Variants in SCNN1G observed in about 807,000 individuals in gnomAD.
SCNN1G encodes the protein sodium channel epithelial 1 subunit gamma, also known as epithelial sodium channel subunit gamma.
In SCNN1G, 27 loss-of-function variants were observed where a neutral mutation model predicts 64.6. The ratio of observed to expected loss-of-function variants is 0.42; its 90% confidence interval spans 0.31 to 0.58. The LOEUF (loss-of-function observed/expected upper bound fraction) is 0.58, where lower values mean the gene tolerates loss of function less well. Among genes scored for constraint, SCNN1G ranks in the 20% least tolerant of loss-of-function variants. The probability of loss-of-function intolerance (pLI) is 0.18; values close to 1 mark genes in which losing one functional copy is unlikely to be tolerated. For synonymous variants in SCNN1G, 330 were observed against 314.2 expected, an observed-to-expected ratio of 1.05 and a Z score of -0.53; for missense variants, 743 against 823.4, an observed-to-expected ratio of 0.90 and a Z score of 1.19.
intron 6 of SCNN1G, among the ~76,000 whole-genome samples, chr16:23,205,217 C>T (rs1045956633): frequency 6.6e-6 from 1 of 152,152 alleles, no homozygotes; most frequent in African/African-American, 2.4e-5. Context: ...GACCCCTTAG[C>T]TAGCCTGCCT....
At chr16:23,196,195 G>A (rs1186491633) in intron 5 of SCNN1G, among the ~76,000 whole-genome samples, 1 of 152,220 alleles carries the variant, frequency 6.6e-6, no homozygotes, top group Non-Finnish European at 1.5e-5. Flanking sequence ...AGATCTCTAA[G>A]AGGAGGGCTA....
intron 6 of SCNN1G, among the ~76,000 whole-genome samples, chr16:23,198,884 A>C (rs1250981051): frequency 2.0e-5 from 3 of 151,646 alleles, no homozygotes; most frequent in Non-Finnish European, 4.4e-5. Flanking sequence ...GCAAGACCCC[A>C]TCTCTACAAA....
chr16:23,208,644 C>T (rs1488610174), intron 6 of SCNN1G, among the ~76,000 whole-genome samples: 3 of 137,880 alleles, frequency 2.2e-5, no homozygotes, highest in Non-Finnish European at 3.1e-5. Flanking sequence ...GCCCTTCCTT[C>T]CTTTCTCTCT....
chr16:23,206,474 G>C (rs1233642960), intron 6 of SCNN1G, among the ~76,000 whole-genome samples: 1 of 152,154 alleles, frequency 6.6e-6, no homozygotes, highest in African/African-American at 2.4e-5. Context: ...AGCTTGCTGG[G>C]TGCAGCGCCC....
At chr16:23,213,637 T>C (rs1403706680) in intron 11 of SCNN1G, among the ~76,000 whole-genome samples, 2 of 152,186 alleles carry the variant, frequency 1.3e-5, no homozygotes, top group Non-Finnish European at 2.9e-5. Flanking sequence ...CCATGTGAAC[T>C]CACATTTCTC....
rs902581536 is a variant in SCNN1G at position 23,209,788 on chromosome 16, C to T, written c.1116C>T (p.Cys372=). 2.5e-6 allele frequency: 4 copies of T among 1,613,860 alleles called. No individual in the cohort carries two copies. The African/African-American group carries it at 5.3e-5, about 22-fold the overall frequency. The change falls in exon 7 of 13, where the codon TGC becomes TGT. Residue 372 remains cysteine, a synonymous_variant. Coordinates refer to ENST00000300061, the MANE Select transcript of SCNN1G (RefSeq NM_001039.4). ...AGCTGAGTGAGCCCTACAGTCAGTGCACGGAGGACGGGAGTGACGTGCCAA... is the reference window on the plus strand; with the variant it reads ...AGCTGAGTGAGCCCTACAGTCAGTGTACGGAGGACGGGAGTGACGTGCCAA... The part of the protein sequence containing the change: ...SFKLSEPYSQ[C]TEDGSDVPIR...
intron 6 of SCNN1G, among the ~76,000 whole-genome samples, chr16:23,208,355 A>G (rs4328445): frequency 4.0e-5 from 6 of 151,786 alleles, no homozygotes; most frequent in Admixed American, 1.3e-4. Context: ...CTCTAAAAAA[A>G]AAAAGCAAAA....
At chr16:23,199,337 C>A (rs1211008322) in intron 6 of SCNN1G, among the ~76,000 whole-genome samples, 1 of 152,134 alleles carries the variant, frequency 6.6e-6, no homozygotes, top group Admixed American at 6.6e-5. Flanking sequence ...TCTTCCATTG[C>A]GTGAATAAGT....
chr16:23,215,795 A>C lies in SCNN1G; in HGVS notation c.*326A>C. On this transcript the variant is annotated 3_prime_UTR_variant, in exon 13 of 13. Transcript: ENST00000300061. ...AGAGTGAGGACTGATGCAGCTCTTT[A>C]CGGGTCTTGAGAGGGAAGGACTCTT... 1 of 417,218 alleles carries C rather than the reference A, an allele frequency of 2.4e-6. No individual in the cohort carries two copies. The highest frequency in any genetic ancestry group is 3.7e-5 in the Admixed American group (1 of 27,230). 25.8% of individuals were successfully genotyped at this position (417,218 alleles called of 1,614,324 possible).
At chr16:23,185,703 AG>A (rs1959594354) in intron 1 of SCNN1G, among the ~76,000 whole-genome samples, 1 of 152,246 alleles carries the variant, frequency 6.6e-6, no homozygotes, top group Non-Finnish European at 1.5e-5. Context: ...ACATGATCTA[AG>A]GTGGCTGCCG....
intron 6 of SCNN1G, among the ~76,000 whole-genome samples, chr16:23,197,977 A>G (rs916392835): frequency 1.3e-5 from 2 of 152,226 alleles, no homozygotes; most frequent in Non-Finnish European, 2.9e-5. Context: ...CTATGCTGGA[A>G]GCAAGGCATT....
In SCNN1G at chr16:23,186,271, C is replaced by T; in HGVS notation, c.-1C>T. 6.2e-7 allele frequency: 1 copy of T among 1,614,230 alleles called. No individual in the cohort carries two copies. Among genetic ancestry groups the T allele is most frequent in the Non-Finnish European group, 8.5e-7 (1 of 1,180,036 alleles). On this transcript the variant is annotated 5_prime_UTR_variant, in exon 2 of 13. Transcript: ENST00000300061. ...CCCGTCCTCAAAGTCCCATCCTCGC[C>T]ATGGCACCCGGAGAGAAGATCAAAG...
chr16:23,210,133 G>C (rs1015259820), intron 7 of SCNN1G, among the ~76,000 whole-genome samples: 1 of 152,188 alleles, frequency 6.6e-6, no homozygotes, highest in African/African-American at 2.4e-5. Flanking sequence ...GGAAAGAAGC[G>C]GTCTGGGAGA....
chr16:23,203,984 A>G (rs1959935470), intron 6 of SCNN1G, among the ~76,000 whole-genome samples: 1 of 151,754 alleles, frequency 6.6e-6, no homozygotes, highest in African/African-American at 2.4e-5. Flanking sequence ...AGTGCTTAAA[A>G]TATATTGGCT....
intron 6 of SCNN1G, among the ~76,000 whole-genome samples, chr16:23,203,439 T>C (rs1378404444): frequency 6.6e-6 from 1 of 152,146 alleles, no homozygotes; most frequent in African/African-American, 2.4e-5. Context: ...ATAGCCAGAC[T>C]TTATTTCACA....
At chr16:23,211,952 C>T in intron 7 of SCNN1G, 82 bp from the exon 8 acceptor site, 10 of 1,015,304 alleles carry the variant, frequency 9.8e-6, no homozygotes, top group South Asian at 7.6e-5. Flanking sequence ...GAGGCTGACC[C>T]CCTGGGCTGA....
intron 4 of SCNN1G, 55 bp from the exon 5 acceptor site, chr16:23,194,116 T>G: frequency 8.0e-7 from 1 of 1,245,332 alleles, no homozygotes; most frequent in Non-Finnish European, 1.2e-6. Flanking sequence ...CCTGCCCAAC[T>G]TCAGCTAAGA....
chr16:23,185,687 C>G (rs1282685886), intron 1 of SCNN1G, among the ~76,000 whole-genome samples: 3 of 152,154 alleles, frequency 2.0e-5, no homozygotes, highest in East Asian at 3.8e-4. Context: ...GAAAATGCAG[C>G]CAGGAACATG....
intron 6 of SCNN1G, among the ~76,000 whole-genome samples, chr16:23,204,356 G>GAGAGAA (rs1959956344): frequency 7.8e-6 from 1 of 128,242 alleles, no homozygotes; most frequent in African/African-American, 2.8e-5. Context: ...GAGAGAGAGA[G>GAGAGAA]AGAGAGAGAG....
Sources: allele counts gnomAD v4.1 joint callset (sites outside exome capture counted in the v4.1 genomes callset), GRCh38; gene constraint gnomAD v4.1.1; transcripts MANE v1.5; gene names NCBI Gene and HGNC (gene_info 2026-07-23, HGNC 2026-07-21).